STAB2: variants seen among roughly 807,000 people sequenced by gnomAD.
The protein encoded by STAB2 is stabilin-2.
STAB2 carries 288 observed loss-of-function variants against 338.1 expected under a neutral mutation model. The observed-to-expected ratio is 0.85, with a 90% CI of 0.77 to 0.94. The LOEUF (loss-of-function observed/expected upper bound fraction) is 0.94, where lower values mean the gene tolerates loss of function less well. Ranked by LOEUF, STAB2 falls within the 40% of genes least tolerant of loss-of-function variation. STAB2 has a pLI of 0.00. For synonymous variants in STAB2, 1,202 were observed against 1,193.3 expected (o/e 1.01, Z -0.15); for missense variants, 3,141 against 3,210.1 (o/e 0.98, Z 0.52).
At chr12:103,673,273 T>G (rs1294881688) in intron 22 of STAB2, among the ~76,000 whole-genome samples, 1 of 152,206 alleles carries the variant, frequency 6.6e-6, no homozygotes, top group East Asian at 1.9e-4. Context: ...CCTTGGCCTC[T>G]TTCAAAGCGT....
chr12:103,673,969 G>A lies in STAB2; in HGVS notation c.2434G>A (p.Gly812Ser). The change falls in exon 23 of 69, where the codon GGC becomes AGC. Residue 812 changes from glycine (G) to serine (S), a missense_variant. By Grantham distance (56) the Gly-to-Ser change is moderately conservative. Coordinates refer to ENST00000388887, the MANE Select transcript of STAB2 (RefSeq NM_017564.10). ...RIDSDGACLTGTCRDGSAGRL... is the reference protein window; with the variant it reads ...RIDSDGACLTSTCRDGSAGRL... ...AGACAGCGATGGGGCCTGCCTCACT[G>A]GCACATGCAGAGACGGCTCTGCCGG... is the stretch of plus-strand genomic sequence containing the variant. The A allele has an allele frequency of 6.2e-7, 1 of 1,614,118 alleles. No individual in the cohort carries two copies. The highest frequency in any genetic ancestry group is 1.3e-5 in the African/African-American group (1 of 75,060).
At chr12:103,675,871 C>CA (rs1876295812) in intron 23 of STAB2, 57 bp from the exon 24 acceptor site, 2 of 1,422,006 alleles carry the variant, frequency 1.4e-6, no homozygotes, top group Non-Finnish European at 1.9e-6. Flanking sequence ...CTGGCTGGCT[C>CA]TCTTCTGGGT....
chr12:103,703,044 G>A, intron 34 of STAB2, 104 bp from the exon 35 acceptor site: 1 of 1,285,998 alleles, frequency 7.8e-7, no homozygotes, highest in Non-Finnish European at 1.1e-6. Context: ...GGTGAATATT[G>A]TAATATCTCC....
In STAB2 at chr12:103,695,860, T is replaced by A. The variant is rs1285767283; in HGVS notation, c.3582+16T>A. On this transcript the variant is annotated intron_variant, in intron 33 of 68. Coordinates refer to ENST00000388887, the MANE Select transcript of STAB2 (RefSeq NM_017564.10). ...CTTGTCTCTAGTAAGTGTCAAGAAC[T>A]ATAACTAGGGAAGTTATTTTGTGAA... 1 of 1,608,192 alleles carries A rather than the reference T, an allele frequency of 6.2e-7. No individual in the cohort carries two copies. The highest frequency in any genetic ancestry group is 2.2e-5 in the East Asian group (1 of 44,860).
chr12:103,758,618 G>C lies in STAB2; in HGVS notation c.7107+329G>C, dbSNP rs556947795. Among the ~76,000 whole-genome samples, 10 of 152,288 alleles carry C rather than the reference G, an allele frequency of 6.6e-5. No individual in the cohort carries two copies. The East Asian group carries it at 1.7e-3, about 27-fold the overall frequency. On this transcript the variant is annotated intron_variant, in intron 64 of 68. Coordinates refer to ENST00000388887, the MANE Select transcript of STAB2 (RefSeq NM_017564.10). ...ACAGTGCTTTCTCAAGCCTCTGTTT[G>C]GTCACATTTGCTAATGTGCCCCTGG...
intron 34 of STAB2, among the ~76,000 whole-genome samples, chr12:103,702,912 A>G (rs1356054635): frequency 6.6e-6 from 1 of 152,276 alleles, no homozygotes; most frequent in Admixed American, 6.5e-5. Context: ...AGAGAAAATT[A>G]AAGTTCAGAA....
chr12:103,597,441 A>G (rs1172163540), intron 3 of STAB2, among the ~76,000 whole-genome samples: 1 of 152,212 alleles, frequency 6.6e-6, no homozygotes, highest in Non-Finnish European at 1.5e-5. Flanking sequence ...AAATTAATAT[A>G]TCTCACTCAA....
intron 60 of STAB2, 118 bp downstream of exon 60, chr12:103,750,838 C>T: frequency 7.3e-7 from 1 of 1,364,828 alleles, no homozygotes; most frequent in Non-Finnish European, 9.7e-7. Flanking sequence ...AGCCTGTAAT[C>T]CCAATACTTT....
At chr12:103,705,820 C>A (rs1173070621) in intron 37 of STAB2, 93 bp downstream of exon 37, 23 of 1,174,642 alleles carry the variant, frequency 2.0e-5, no homozygotes, top group Non-Finnish European at 2.5e-5. Flanking sequence ...TGCAGGTATG[C>A]TTTCTGCCAT....
chr12:103,667,951 A>T (rs182817082), intron 19 of STAB2, among the ~76,000 whole-genome samples: 20 of 152,326 alleles, frequency 1.3e-4, no homozygotes, highest in African/African-American at 4.8e-4. Flanking sequence ...TCTGTACGTG[A>T]TAAGACCCAT....
chr12:103,684,708 C>T (rs1308253511), intron 26 of STAB2, among the ~76,000 whole-genome samples: 4 of 152,236 alleles, frequency 2.6e-5, no homozygotes, highest in African/African-American at 9.6e-5. Flanking sequence ...TATACTCAAA[C>T]TTACTCATTT....
intron 37 of STAB2, 47 bp from the exon 38 acceptor site, chr12:103,706,745 C>A: frequency 6.2e-7 from 1 of 1,610,460 alleles, no homozygotes; most frequent in African/African-American, 1.3e-5. Flanking sequence ...GGCTGGACAA[C>A]ACCAGAGGAT....
chr12:103,597,706 T>C, intron 3 of STAB2, among the ~76,000 whole-genome samples: 1 of 152,206 alleles, frequency 6.6e-6, no homozygotes, highest in East Asian at 1.9e-4. Context: ...ACATTTCTAC[T>C]TTGAAACTTA....
In STAB2 at chr12:103,728,951, G is replaced by C. The variant is rs150407154; in HGVS notation, c.5038G>C (p.Ala1680Pro). 248 of 1,613,962 alleles carry C rather than the reference G, an allele frequency of 1.5e-4. No homozygotes were observed. In the African/African-American group the frequency reaches 2.9e-3, roughly 19 times the overall value. Residue 1680 changes from alanine to proline, a missense_variant, in exon 48 of 69, where the codon GCT (alanine) becomes CCT (proline). Physicochemically the swap from Ala to Pro is conservative, Grantham distance 27. Coordinates refer to ENST00000388887, the MANE Select transcript of STAB2 (RefSeq NM_017564.10). ...LLENLKLISNATSLQGEPIVI... is the reference protein window; with the variant it reads ...LLENLKLISNPTSLQGEPIVI... ...GGAAAACCTGAAATTGATCTCAAAT[G>C]CTACTTCCCTCCAAGGAGAGCCAAT...
intron 7 of STAB2, 122 bp downstream of exon 7, chr12:103,637,358 G>T (rs1003015636): frequency 2.2e-6 from 3 of 1,335,390 alleles, no homozygotes; most frequent in Non-Finnish European, 3.0e-6. Flanking sequence ...GTGTAGTTGA[G>T]TGAAACGTAT....
chr12:103,718,080 C>G (rs575584247), intron 44 of STAB2, among the ~76,000 whole-genome samples: 13 of 152,268 alleles, frequency 8.5e-5, no homozygotes, highest in Admixed American at 3.3e-4. Flanking sequence ...CTAAGTCTAT[C>G]CACTTGCTTA....
intron 8 of STAB2, 83 bp from the exon 9 acceptor site, chr12:103,640,040 A>C: frequency 1.4e-6 from 2 of 1,480,302 alleles, no homozygotes; most frequent in Non-Finnish European, 1.8e-6. Context: ...TTTATGGAAG[A>C]ATAAAAATAC....
chr12:103,728,764 G>C, intron 47 of STAB2, 85 bp from the exon 48 acceptor site: 1 of 1,555,604 alleles, frequency 6.4e-7, no homozygotes, highest in Non-Finnish European at 8.8e-7. Flanking sequence ...GTGTGGAAGA[G>C]AGAATGGAGG....
At chr12:103,657,382 A>G (rs979590465) in intron 15 of STAB2, among the ~76,000 whole-genome samples, 1 of 152,180 alleles carries the variant, frequency 6.6e-6, no homozygotes, top group Admixed American at 6.5e-5. Flanking sequence ...AAATTAAAAT[A>G]AAACCTTTTA....
Sources: allele counts gnomAD v4.1 joint callset (sites outside exome capture counted in the v4.1 genomes callset), GRCh38; gene constraint gnomAD v4.1.1; transcripts MANE v1.5; gene names NCBI Gene and HGNC (gene_info 2026-07-23, HGNC 2026-07-21).